MAF: variants seen among roughly 807,000 people sequenced by gnomAD.
MAF encodes transcription factor Maf.
Under a neutral mutation model 22.0 loss-of-function variants are expected in MAF, and 10 were observed. The ratio of observed to expected loss-of-function variants is 0.45; its 90% CI spans 0.28 to 0.77. The LOEUF is 0.77. Among genes scored for constraint, MAF ranks in the 30% least tolerant of loss-of-function variants. The pLI, the probability that MAF is intolerant of heterozygous loss-of-function variation, is 0.12. For synonymous variants in MAF, 337 were observed against 255.8 expected, an observed-to-expected ratio of 1.32 and a Z score of -3.03; for missense variants, 544 against 548.4, an observed-to-expected ratio of 0.99 and a Z score of 0.08.
the MAF span, among the ~76,000 whole-genome samples, chr16:79,325,193 G>C: frequency 6.6e-6 from 1 of 152,030 alleles, no homozygotes; most frequent in Non-Finnish European, 1.5e-5. Context: ...CTTGGGGTGG[G>C]GGAACACCGT....
chr16:79,407,070 T>C, the MAF span, among the ~76,000 whole-genome samples: 1 of 152,182 alleles, frequency 6.6e-6, no homozygotes, highest in Admixed American at 6.5e-5. Flanking sequence ...CAGCATGTGC[T>C]AATATGCGAG....
the MAF span, among the ~76,000 whole-genome samples, chr16:79,406,069 C>A: frequency 6.6e-6 from 1 of 152,234 alleles, no homozygotes; most frequent in Non-Finnish European, 1.5e-5. Context: ...ACTCCCTCAC[C>A]TCTGAGGCTC....
At chr16:79,393,490 A>C in the MAF span, among the ~76,000 whole-genome samples, 1 of 152,232 alleles carries the variant, frequency 6.6e-6, no homozygotes, top group Non-Finnish European at 1.5e-5. Flanking sequence ...AATGCAGAAG[A>C]CCACGGAGCT....
chr16:79,323,057 G>T, the MAF span, among the ~76,000 whole-genome samples: 1 of 149,086 alleles, frequency 6.7e-6, no homozygotes, highest in South Asian at 2.2e-4. Context: ...GGCTGGGGCA[G>T]GAGAATGGTG....
the MAF span, among the ~76,000 whole-genome samples, chr16:79,512,700 A>G: frequency 6.6e-6 from 1 of 152,222 alleles, no homozygotes; most frequent in Non-Finnish European, 1.5e-5. Flanking sequence ...TGAAGAAAAT[A>G]ATGGTAAAGA....
chr16:79,548,235 T>C, the MAF span, among the ~76,000 whole-genome samples: 1 of 152,220 alleles, frequency 6.6e-6, no homozygotes, highest in African/African-American at 2.4e-5. Context: ...CTAAATATCA[T>C]ATATATTTCT....
the MAF span, among the ~76,000 whole-genome samples, chr16:79,576,275 G>T: frequency 7.0e-6 from 1 of 143,366 alleles, no homozygotes; most frequent in Admixed American, 7.0e-5. Flanking sequence ...AGTACTTTAG[G>T]CAACCATTTT....
the MAF span, among the ~76,000 whole-genome samples, chr16:79,389,444 G>A: frequency 6.6e-6 from 1 of 151,948 alleles, no homozygotes; most frequent in Non-Finnish European, 1.5e-5. Flanking sequence ...TTTTAGTAGA[G>A]ACAGGGTTTC....
chr16:79,444,157 A>C, the MAF span, among the ~76,000 whole-genome samples: 1 of 152,140 alleles, frequency 6.6e-6, no homozygotes, highest in East Asian at 1.9e-4. Flanking sequence ...TATGTATTAT[A>C]GTAACATTCC....
At chr16:79,434,920 G>T in the MAF span, among the ~76,000 whole-genome samples, 10 of 152,058 alleles carry the variant, frequency 6.6e-5, no homozygotes, top group African/African-American at 2.2e-4. Context: ...CCATGGAATG[G>T]ATTCCAGGGA....
chr16:79,590,956 A>T (rs1218124166), downstream of MAF, among the ~76,000 whole-genome samples: 3 of 152,156 alleles, frequency 2.0e-5, no homozygotes, highest in African/African-American at 7.2e-5. Context: ...GGATGAGGTC[A>T]TATAGAGAAC....
At chr16:79,357,607 C>T in the MAF span, among the ~76,000 whole-genome samples, 2 of 152,190 alleles carry the variant, frequency 1.3e-5, no homozygotes, top group Non-Finnish European at 2.9e-5. Flanking sequence ...TTGCTAATTA[C>T]TGTCAGTCTC....
chr16:79,239,719 TTC>T, the MAF span, among the ~76,000 whole-genome samples: 1,074 of 152,194 alleles, frequency 7.1e-3, 17 homozygotes, highest in African/African-American at 0.025. Flanking sequence ...GGCCAAAGCC[TTC>T]TCTGTTTTGT....
chr16:79,252,458 T>C, the MAF span, among the ~76,000 whole-genome samples: 3 of 152,226 alleles, frequency 2.0e-5, no homozygotes, highest in Middle Eastern at 3.4e-3. Flanking sequence ...TGCTGATCCC[T>C]GCTATAAAGA....
At chr16:79,519,754 C>T in the MAF span, among the ~76,000 whole-genome samples, 4 of 152,332 alleles carry the variant, frequency 2.6e-5, no homozygotes, top group Admixed American at 6.5e-5. Context: ...ACTCATGGGC[C>T]GGTGTGACGC....
the MAF span, among the ~76,000 whole-genome samples, chr16:79,546,068 T>G: frequency 1.3e-5 from 2 of 151,996 alleles, no homozygotes; most frequent in South Asian, 4.1e-4. Context: ...TAAAATAAAA[T>G]ATATCACTAC....
At chr16:79,344,045 A>G in the MAF span, among the ~76,000 whole-genome samples, 1 of 152,232 alleles carries the variant, frequency 6.6e-6, no homozygotes, top group African/African-American at 2.4e-5. Flanking sequence ...CATTCAAAAG[A>G]AACTCTGTGA....
At chr16:79,495,661 G>A in the MAF span, among the ~76,000 whole-genome samples, 1 of 152,150 alleles carries the variant, frequency 6.6e-6, no homozygotes, top group Non-Finnish European at 1.5e-5. Flanking sequence ...CTGTTAAAAT[G>A]AAACTTTTCT....
the MAF span, among the ~76,000 whole-genome samples, chr16:79,477,648 C>T: frequency 6.6e-6 from 1 of 152,156 alleles, no homozygotes; most frequent in Admixed American, 6.5e-5. Context: ...CCTGAATTAT[C>T]CATGTATTCG....
Sources: gnomAD v4.1 joint callset for allele counts (sites outside exome capture counted in the v4.1 genomes callset) on GRCh38, gnomAD v4.1.1 for gene constraint, MANE v1.5 for transcripts, NCBI Gene and HGNC (gene_info 2026-07-23, HGNC 2026-07-21) for gene names.